The following PMS2 variants were observed in gnomAD, a reference collection of about 807,000 sequenced individuals.
PMS2 encodes PMS1 homolog 2, mismatch repair system component.
A neutral mutation model predicts 90.0 loss-of-function variants in PMS2; 69 were observed. The ratio of observed to expected loss-of-function variants is 0.77; its 90% CI spans 0.63 to 0.94. The LOEUF (loss-of-function observed/expected upper bound fraction) is 0.94, where lower values mean the gene tolerates loss of function less well. Ranked by LOEUF, PMS2 falls within the 40% of genes least tolerant of loss-of-function variation. The probability of loss-of-function intolerance (pLI) is 0.00; values close to 1 mark genes in which losing one functional copy is unlikely to be tolerated. For missense variants in PMS2, 966 were observed against 1,040.2 expected (o/e 0.93, Z 0.98); for synonymous variants, 332 against 375.1 (o/e 0.89, Z 1.33).
In PMS2 at chr7:5,987,065, T is replaced by C. The variant is rs112104877; in HGVS notation, c.1700A>G (p.Gln567Arg). 3.7e-6 allele frequency: 6 copies of C among 1,614,216 alleles called. No homozygotes were observed. The African/African-American group carries it at 4.0e-5, about 11-fold the overall frequency. ...DTGCKFRVLP[Q>R]PTNLATPNTK... Reference sequence around the variant, plus strand: ...GTTTGGGGTTGCGAGATTAGTTGGCTGAGGCAAAACTCGAAATTTACATCC... The same window carrying C: ...GTTTGGGGTTGCGAGATTAGTTGGCCGAGGCAAAACTCGAAATTTACATCC... The change falls in exon 11 of 15, where the codon CAG becomes CGG. Residue 567 changes from glutamine to arginine, a missense_variant. Around this residue, in one of 2 missense-constraint regions of PMS2, gnomAD observed 871 missense variants for 802.4 expected, o/e 1.09. Transcript: ENST00000265849.
intron 2 of PMS2, among the ~76,000 whole-genome samples, chr7:6,005,554 C>T (rs765166885): frequency 5.9e-5 from 9 of 152,294 alleles, no homozygotes; most frequent in Admixed American, 3.3e-4. Flanking sequence ...CCAGGTTGGT[C>T]TTGAACTCTT....
At chr7:5,979,925 A>G (rs1240607606) in intron 12 of PMS2, among the ~76,000 whole-genome samples, 3 of 84,516 alleles carry the variant, frequency 3.5e-5, no homozygotes, top group African/African-American at 1.2e-4. Flanking sequence ...AAAGACGTTG[A>G]GCAAATACTC....
At chr7:5,985,576 T>C (rs1782770872) in intron 11 of PMS2, among the ~76,000 whole-genome samples, 1 of 148,552 alleles carries the variant, frequency 6.7e-6, no homozygotes. Flanking sequence ...TTTTTTGAGA[T>C]GGAGTTCGCT....
At chr7:5,998,705 A>G (rs1473707807) in intron 6 of PMS2, among the ~76,000 whole-genome samples, 1 of 143,494 alleles carries the variant, frequency 7.0e-6, no homozygotes, top group Non-Finnish European at 1.5e-5. Flanking sequence ...AAAAAAAAAA[A>G]AACCGGCCGG....
intron 6 of PMS2, among the ~76,000 whole-genome samples, chr7:5,998,743 G>A (rs1286852617): frequency 6.7e-6 from 1 of 150,120 alleles, no homozygotes; most frequent in Admixed American, 6.6e-5. Context: ...TGTAATCCCA[G>A]CACTTTGGGA....
At chr7:6,005,846 A>G (rs1431800508) in intron 2 of PMS2, 46 bp downstream of exon 2, 31 of 1,609,944 alleles carry the variant, frequency 1.9e-5, no homozygotes, top group Non-Finnish European at 2.6e-5. Flanking sequence ...AACTACAACA[A>G]CATTCACAGA....
chr7:5,990,366 C>T (rs1395939377), intron 9 of PMS2, among the ~76,000 whole-genome samples: 1 of 152,146 alleles, frequency 6.6e-6, no homozygotes, highest in Non-Finnish European at 1.5e-5. Context: ...TTGTATTTAT[C>T]ACAAGTGCTA....
intron 6 of PMS2, among the ~76,000 whole-genome samples, chr7:5,998,460 A>G (rs1784682926): frequency 6.7e-6 from 1 of 150,366 alleles, no homozygotes; most frequent in Admixed American, 6.6e-5. Flanking sequence ...TGGGAGGCCG[A>G]GGCAGGCGGA....
intron 2 of PMS2, among the ~76,000 whole-genome samples, chr7:6,004,563 A>G (rs1333205248): frequency 6.6e-6 from 1 of 152,102 alleles, no homozygotes; most frequent in Non-Finnish European, 1.5e-5. Flanking sequence ...TAAAAATACA[A>G]AATTAGCCAG....
chr7:6,004,120 T>C lies in PMS2; in HGVS notation c.164-62A>G, dbSNP rs139963031. 1,393 of 884,762 alleles carry C rather than the reference T, an allele frequency of 1.6e-3. 12 individuals are homozygous for C. The African/African-American group carries it at 0.02, about 13-fold the overall frequency. The allele number at this position is 884,762 out of a possible 1,614,324, so 54.8% of individuals were successfully genotyped here. A position where few individuals can be genotyped will look rare whatever the true frequency, so the allele number is the denominator to read the frequency against. ...CGGACCCATGCTATCAGTTTTTATA[T>C]TGACATTATTTATAACATATGCAAA... is the stretch of plus-strand genomic sequence containing the variant. On this transcript the variant is annotated intron_variant, in intron 2 of 14. Transcript: ENST00000265849.
intron 9 of PMS2, among the ~76,000 whole-genome samples, chr7:5,990,795 G>A (rs1202935324): frequency 6.6e-6 from 1 of 152,094 alleles, no homozygotes; most frequent in Non-Finnish European, 1.5e-5. Context: ...GAACAGATAA[G>A]TTAAGGTCAG....
At chr7:5,991,883 T>C in intron 9 of PMS2, 90 bp downstream of exon 9, 1 of 769,642 alleles carries the variant, frequency 1.3e-6, no homozygotes, top group Non-Finnish European at 2.3e-6. Flanking sequence ...TAAATTGTTA[T>C]CTCATTCCAG....
Position 5,973,393 on chromosome 7 carries a change from C to G in PMS2, c.*6G>C, listed in dbSNP as rs1781476781. 31 of 911,768 alleles carry G rather than the reference C, an allele frequency of 3.4e-5. 6 individuals carry two copies. In the East Asian group the frequency reaches 8.9e-4, roughly 26 times the overall value. The allele number at this position is 911,768 out of a possible 1,614,324, so 56.5% of individuals were successfully genotyped here. A position where few individuals can be genotyped will look rare whatever the true frequency, so the allele number is the denominator to read the frequency against. On this transcript the variant is annotated 3_prime_UTR_variant, in exon 15 of 15. Coordinates refer to ENST00000265849, the MANE Select transcript of PMS2 (RefSeq NM_000535.7). ...TAAAACCAATTATTCCATACAGTGA[C>G]TACGGTCAGTTCTGAGAAATGACAC...
chr7:5,977,189 G>GGTAGT (rs1314588769), intron 14 of PMS2, among the ~76,000 whole-genome samples: 42 of 150,982 alleles, frequency 2.8e-4, no homozygotes, highest in Non-Finnish European at 1.3e-4. Flanking sequence ...CGAGTAGCTG[G>GGTAGT]GACTATAGGC....
intron 8 of PMS2, among the ~76,000 whole-genome samples, chr7:5,994,884 C>T (rs1330193610): frequency 2.6e-5 from 4 of 152,062 alleles, no homozygotes; most frequent in Non-Finnish European, 4.4e-5. Context: ...CTTACATAGT[C>T]TATAGGCAAA....
intron 7 of PMS2, among the ~76,000 whole-genome samples, chr7:5,996,753 A>G (rs2128782776): frequency 1.3e-5 from 2 of 152,152 alleles, no homozygotes; most frequent in East Asian, 3.9e-4. Context: ...AAAATAATTT[A>G]CAAGTTAGTC....
chr7:6,000,296 C>T (rs571818801), intron 5 of PMS2, among the ~76,000 whole-genome samples: 1 of 150,772 alleles, frequency 6.6e-6, no homozygotes, highest in South Asian at 2.1e-4. Context: ...ATTCATTGAG[C>T]CTGGGAGATC....
At chr7:6,004,789 C>G (rs1224043140) in intron 2 of PMS2, among the ~76,000 whole-genome samples, 1 of 151,620 alleles carries the variant, frequency 6.6e-6, no homozygotes, top group Non-Finnish European at 1.5e-5. Context: ...TTTATAATCT[C>G]AAAAAAAGGA....
chr7:6,000,537 T>C (rs577676250), intron 5 of PMS2, among the ~76,000 whole-genome samples: 1 of 152,248 alleles, frequency 6.6e-6, no homozygotes, highest in East Asian at 1.9e-4. Context: ...AAAAGCAGCC[T>C]GAAAAGATAT....
Sources: allele counts gnomAD v4.1 joint callset (sites outside exome capture counted in the v4.1 genomes callset), GRCh38; gene constraint gnomAD v4.1.1; regional missense constraint gnomAD v4.1.1; transcripts MANE v1.5; gene names NCBI Gene and HGNC (gene_info 2026-07-23, HGNC 2026-07-21).